Variants in CCNG1 observed in about 807,000 individuals in gnomAD.
CCNG1 encodes the protein cyclin-G1.
CCNG1 carries 13 observed loss-of-function variants against 30.0 expected under a neutral mutation model. The observed-to-expected ratio is 0.43, with a 90% CI of 0.28 to 0.69. The LOEUF is 0.69. CCNG1 is among the 30% of genes least tolerant of loss of function. CCNG1 has a pLI of 0.16. For synonymous variants in CCNG1, 110 were observed against 121.5 expected, an observed-to-expected ratio of 0.91 and a Z score of 0.62; for missense variants, 285 against 331.4, an observed-to-expected ratio of 0.86 and a Z score of 1.09.
chr5:163,443,032 G>A (rs2069358), intron 6 of CCNG1, among the ~76,000 whole-genome samples: 5,718 of 152,228 alleles, frequency 0.038, 135 homozygotes, highest in Non-Finnish European at 0.05. Context: ...AAAGTAGGCC[G>A]GATGCAGTGG....
chr5:163,452,861 G>GA, the CCNG1 span: 1 of 152,146 alleles, frequency 6.6e-6, no homozygotes. Flanking sequence ...AAACAAATGA[G>GA]AATTTGTTCC....
rs141376173 is a variant in CCNG1 at position 163,441,320 on chromosome 5, G to C, written c.507G>C (p.Leu169Phe). 8.4e-4 allele frequency: 1,363 copies of C among 1,613,404 alleles called. 1 individual carries two copies. The highest frequency in any genetic ancestry group is 1.1e-3 in the Non-Finnish European group (1,303 of 1,179,674). ...QLYYSLLQEN[L>F]PLERRNSINF... ...ATTATTCACTCCTTCAAGAGAACTT[G>C]CCACTTGAAAGGTAAGTGACCTTTG... Residue 169 changes from leucine to phenylalanine, a missense_variant, in exon 3 of 7, where the codon TTG becomes TTC. Coordinates refer to ENST00000340828, the MANE Select transcript of CCNG1 (RefSeq NM_004060.4).
At chr5:163,443,062 C>T (rs572767045) in intron 6 of CCNG1, among the ~76,000 whole-genome samples, 11 of 152,310 alleles carry the variant, frequency 7.2e-5, no homozygotes, top group African/African-American at 2.6e-4. Context: ...GTAATCCCAG[C>T]ACTTTGGGAG....
At chr5:163,438,480 C>T (rs1351659740) in intron 1 of CCNG1, among the ~76,000 whole-genome samples, 1 of 152,156 alleles carries the variant, frequency 6.6e-6, no homozygotes, top group African/African-American at 2.4e-5. Flanking sequence ...ATGTGCTAAG[C>T]TCTTTACGTG....
chr5:163,448,887 T>C (rs546460460), downstream of CCNG1: 7 of 152,254 alleles, frequency 4.6e-5, no homozygotes, highest in African/African-American at 1.7e-4. Context: ...AGAAAGAGCA[T>C]AGAAAATTCA....
At chr5:163,448,210 AAAG>A (rs1391338988), downstream of CCNG1, 1 of 152,124 alleles carries the variant, frequency 6.6e-6, no homozygotes. Context: ...GAAAAAAAAA[AAAG>A]AGGCAGAAAA....
chr5:163,449,545 T>G (rs191384799), downstream of CCNG1: 1 of 152,346 alleles, frequency 6.6e-6, no homozygotes, highest in African/African-American at 2.4e-5. Context: ...GTAGGATTTT[T>G]TGTAGATACA....
In CCNG1 at chr5:163,441,340, C is replaced by T. The variant is rs1757808054; in HGVS notation, c.518+9C>T. The T allele has an allele frequency of 6.2e-7, 1 of 1,610,704 alleles. No homozygotes were observed. Among genetic ancestry groups the T allele is most frequent in the African/African-American group, 1.3e-5 (1 of 74,836 alleles). ...AACTTGCCACTTGAAAGGTAAGTGA[C>T]CTTTGTTTTGAACAAGAGACATTTG... On this transcript the variant is annotated intron_variant, in intron 3 of 6. Coordinates refer to ENST00000340828, the MANE Select transcript of CCNG1 (RefSeq NM_004060.4).
intron 5 of CCNG1, 61 bp from the exon 6 acceptor site, chr5:163,442,313 G>A (rs1757856850): frequency 7.7e-7 from 1 of 1,293,582 alleles, no homozygotes; most frequent in East Asian, 2.3e-5. Flanking sequence ...ATTTATTAAT[G>A]TAGTTAAATA....
At position 163,443,755 on chromosome 5, in the gene CCNG1, T is replaced by G; in HGVS notation, c.*85T>G. On this transcript the variant is annotated 3_prime_UTR_variant, in exon 7 of 7. Coordinates refer to ENST00000340828, the MANE Select transcript of CCNG1 (RefSeq NM_004060.4). The stretch of plus-strand genomic sequence containing the variant: ...GGATTCCATAATGTTACAATGGATT[T>G]AAGCTATGAAGCCTCAAAACATCAC... The G allele has an allele frequency of 6.7e-7, 1 of 1,491,732 alleles. No homozygotes were observed. Among genetic ancestry groups the G allele is most frequent in the Non-Finnish European group, 9.0e-7 (1 of 1,111,386 alleles). 92.4% of individuals were successfully genotyped at this position (1,491,732 alleles called of 1,614,324 possible). A position where few individuals can be genotyped will look rare whatever the true frequency, so the allele number is the denominator to read the frequency against.
chr5:163,449,488 C>T (rs1472622894), downstream of CCNG1: 1 of 152,168 alleles, frequency 6.6e-6, no homozygotes, highest in Admixed American at 6.5e-5. Context: ...TAAATAGATA[C>T]CTCATGTTCA....
At chr5:163,454,545 T>C in the CCNG1 span, among the ~76,000 whole-genome samples, 91 of 152,294 alleles carry the variant, frequency 6.0e-4, 1 homozygote, top group East Asian at 0.015. Context: ...TTCTCCATGT[T>C]GGTCAGGCTT....
At chr5:163,456,839 CATA>C in the CCNG1 span, 64 of 973,668 alleles carry the variant, frequency 6.6e-5, no homozygotes, top group African/African-American at 1.0e-3. Flanking sequence ...TGTAACTTTT[CATA>C]ATGACATTTG....
chr5:163,456,256 A>G, the CCNG1 span, among the ~76,000 whole-genome samples: 16 of 152,350 alleles, frequency 1.1e-4, no homozygotes, highest in South Asian at 1.0e-3. Context: ...CCTCTCCTAG[A>G]TATTTATCTT....
At chr5:163,438,418 AAAG>A (rs1757603087) in intron 1 of CCNG1, among the ~76,000 whole-genome samples, 1 of 152,196 alleles carries the variant, frequency 6.6e-6, no homozygotes, top group African/African-American at 2.4e-5. Context: ...ATAAATCTAG[AAAG>A]AAGCTCAAGC....
rs763341307 is a variant in CCNG1, at chr5:163,439,315, T to C, written c.59T>C (p.Leu20Pro). 6.2e-7 allele frequency: 1 copy of C among 1,613,994 alleles called. No homozygotes were observed. The change falls in exon 2 of 7, where the codon CTG (leucine) becomes CCG (proline). Residue 20 changes from leucine (L) to proline (P), a missense_variant. Leu to Pro is a moderately conservative substitution (Grantham distance 98). Coordinates refer to ENST00000340828, the MANE Select transcript of CCNG1 (RefSeq NM_004060.4). Reference sequence around the variant, plus strand: ...AAACTGCTACACCAGCTGAATGCCCTGTTGGAACAGGAGTCTAGATGTCAG... The same window carrying C: ...AAACTGCTACACCAGCTGAATGCCCCGTTGGAACAGGAGTCTAGATGTCAG... Reference protein sequence around the residue: ...SQKLLHQLNALLEQESRCQPK... With the variant: ...SQKLLHQLNAPLEQESRCQPK...
the CCNG1 span, chr5:163,457,538 A>T: frequency 7.5e-7 from 1 of 1,333,182 alleles, no homozygotes; most frequent in African/African-American, 1.5e-5. Flanking sequence ...TTTTAATTTG[A>T]TGAATTATAG....
chr5:163,442,164 A>C, intron 5 of CCNG1, 21 bp downstream of exon 5: 2 of 1,469,628 alleles, frequency 1.4e-6, no homozygotes. Flanking sequence ...GACATAGCCT[A>C]AATCCTATTA....
the CCNG1 span, chr5:163,453,947 G>A: frequency 7.1e-7 from 1 of 1,402,728 alleles, no homozygotes; most frequent in Non-Finnish European, 9.7e-7. Context: ...AGGATCCACA[G>A]AATGCAGGAA....
Sources: allele counts gnomAD v4.1 joint callset (sites outside exome capture counted in the v4.1 genomes callset), GRCh38; gene constraint gnomAD v4.1.1; transcripts MANE v1.5; gene names NCBI Gene and HGNC (gene_info 2026-07-23, HGNC 2026-07-21).